ME1: variants seen among roughly 807,000 people sequenced by gnomAD.
ME1 encodes NADP-dependent malic enzyme.
Under a neutral mutation model 66.4 loss-of-function variants are expected in ME1, and 74 were observed. That is an observed-to-expected ratio of 1.11 (90% CI 0.92 to 1.35). The LOEUF is 1.35. ME1 is among the 40% of genes most tolerant of loss of function. The pLI, the probability that ME1 is intolerant of heterozygous loss-of-function variation, is 0.00. For synonymous variants in ME1, 251 were observed against 235.6 expected (o/e 1.07, Z -0.60); for missense variants, 750 against 694.1 (o/e 1.08, Z -0.90).
In ME1 at chr6:83,407,781, A is replaced by C. The variant is rs1225399146; in HGVS notation, c.199T>G (p.Ser67Ala). ...GCAATGTGTTACCTGTCAAAGTCAG[A>C]GTTCAGATGCTCGAAATTTTTTACT... is the stretch of plus-strand genomic sequence containing the variant. The part of the protein sequence containing the change: ...RVVKNFEHLN[S>A]DFDRYLLLMD... The change falls in exon 2 of 14, where the codon TCT becomes GCT. Residue 67 changes from serine to alanine, a missense_variant. By Grantham distance (99) the Ser-to-Ala change is moderately conservative. Transcript: ENST00000369705. The C allele has an allele frequency of 1.9e-6, 3 of 1,602,652 alleles. No individual in the cohort carries two copies. Among genetic ancestry groups the C allele is most frequent in the Non-Finnish European group, 2.5e-6 (3 of 1,177,062 alleles).
In ME1 at chr6:83,326,713, T is replaced by G. The variant is rs541601851; in HGVS notation, c.601-11300A>C. On this transcript the variant is annotated intron_variant, in intron 5 of 13. Coordinates refer to ENST00000369705, the MANE Select transcript of ME1 (RefSeq NM_002395.6). ...ATCTCATGCCTTTTGGAATGGTAATTGTTAAAAAGTCAGGAAACAACAGAT... is the reference window on the plus strand; with the variant it reads ...ATCTCATGCCTTTTGGAATGGTAATGGTTAAAAAGTCAGGAAACAACAGAT... Among the ~76,000 whole-genome samples the G allele has an allele frequency of 2.8e-4, 42 of 152,252 alleles. 1 individual carries two copies. Among genetic ancestry groups the G allele is most frequent in the African/African-American group, 9.4e-4 (39 of 41,558 alleles).
At chr6:83,404,167 T>C (rs533671585) in intron 2 of ME1, among the ~76,000 whole-genome samples, 80 of 152,240 alleles carry the variant, frequency 5.3e-4, no homozygotes, top group Non-Finnish European at 1.1e-3. Context: ...CCAGCATCTG[T>C]TGTTTCCTGA....
At chr6:83,258,748 T>C (rs1345227540) in intron 6 of ME1, among the ~76,000 whole-genome samples, 6 of 152,096 alleles carry the variant, frequency 3.9e-5, no homozygotes, top group Non-Finnish European at 8.8e-5. Context: ...GATAAAGAAA[T>C]GAACTCAGTA....
At chr6:83,276,463 C>G (rs781269474) in intron 6 of ME1, among the ~76,000 whole-genome samples, 1 of 152,106 alleles carries the variant, frequency 6.6e-6, no homozygotes, top group Non-Finnish European at 1.5e-5. Flanking sequence ...GCAAAGACCT[C>G]CACATTAAAA....
chr6:83,219,282 G>A (rs970850584), intron 12 of ME1, among the ~76,000 whole-genome samples: 4 of 152,116 alleles, frequency 2.6e-5, no homozygotes, highest in Admixed American at 6.6e-5. Flanking sequence ...TGGGTGTCAG[G>A]TATTGGTATT....
At chr6:83,225,243 G>C (rs1027235305) in intron 11 of ME1, among the ~76,000 whole-genome samples, 2 of 148,972 alleles carry the variant, frequency 1.3e-5, no homozygotes, top group African/African-American at 4.9e-5. Flanking sequence ...CATTAACTAG[G>C]GCCTGTTAGG....
chr6:83,367,417 T>C (rs1363141401), intron 3 of ME1, among the ~76,000 whole-genome samples: 1 of 152,208 alleles, frequency 6.6e-6, no homozygotes, highest in Non-Finnish European at 1.5e-5. Flanking sequence ...CATTGAATTC[T>C]CCTCTCTAGC....
intron 3 of ME1, among the ~76,000 whole-genome samples, chr6:83,368,161 G>T (rs1354255555): frequency 2.6e-5 from 4 of 151,782 alleles, no homozygotes; most frequent in Non-Finnish European, 5.9e-5. Context: ...GCGGTTCATG[G>T]TACCCCAGAA....
intron 6 of ME1, among the ~76,000 whole-genome samples, chr6:83,304,474 C>T (rs1767790004): frequency 6.6e-6 from 1 of 152,172 alleles, no homozygotes; most frequent in Admixed American, 6.5e-5. Context: ...AATTTCGACA[C>T]ATCTCAATCT....
At chr6:83,344,418 C>A (rs889478408) in intron 5 of ME1, among the ~76,000 whole-genome samples, 3 of 151,592 alleles carry the variant, frequency 2.0e-5, no homozygotes, top group Non-Finnish European at 4.4e-5. Context: ...AATTTGATTT[C>A]AATGTAAACA....
chr6:83,252,576 T>C (rs1395697954), intron 7 of ME1, among the ~76,000 whole-genome samples: 3 of 152,092 alleles, frequency 2.0e-5, no homozygotes, highest in Non-Finnish European at 4.4e-5. Context: ...GCTGGGATTA[T>C]AGGCGCCTAA....
chr6:83,238,982 C>G (rs1051413300), intron 8 of ME1, among the ~76,000 whole-genome samples: 8 of 151,560 alleles, frequency 5.3e-5, no homozygotes, highest in African/African-American at 1.9e-4. Flanking sequence ...TTAAATTAAG[C>G]AAGTAATAAC....
intron 6 of ME1, among the ~76,000 whole-genome samples, chr6:83,306,978 G>C (rs1479096614): frequency 6.6e-6 from 1 of 152,046 alleles, no homozygotes; most frequent in Non-Finnish European, 1.5e-5. Context: ...GGCACAAAAA[G>C]CATCTAAAAG....
chr6:83,238,820 A>ATATATATATATATG (rs1790459732), intron 8 of ME1, among the ~76,000 whole-genome samples: 1 of 148,806 alleles, frequency 6.7e-6, no homozygotes, highest in Non-Finnish European at 1.5e-5. Flanking sequence ...ATATATATAT[A>ATATATATATATATG]GCCACAAAAT....
At chr6:83,241,990 G>A (rs1180226) in intron 7 of ME1, among the ~76,000 whole-genome samples, 59,550 of 151,870 alleles carry the variant, frequency 0.39, 11,848 homozygotes, top group Middle Eastern at 0.53. Context: ...AACCTCCCAA[G>A]TAACTAGGAT....
At chr6:83,254,714 C>T (rs1050779881) in intron 6 of ME1, among the ~76,000 whole-genome samples, 1 of 152,114 alleles carries the variant, frequency 6.6e-6, no homozygotes, top group Non-Finnish European at 1.5e-5. Context: ...TTTCGAACCT[C>T]CCCATGGACC....
intron 3 of ME1, among the ~76,000 whole-genome samples, chr6:83,364,724 T>C (rs1769067995): frequency 6.6e-6 from 1 of 150,890 alleles, no homozygotes; most frequent in African/African-American, 2.5e-5. Context: ...TATCTATCTA[T>C]CTATCTATCT....
intron 6 of ME1, among the ~76,000 whole-genome samples, chr6:83,310,541 G>C (rs942810564): frequency 6.6e-6 from 1 of 152,132 alleles, no homozygotes; most frequent in African/African-American, 2.4e-5. Flanking sequence ...TGGGGCTTTG[G>C]CACTGGTTAA....
intron 6 of ME1, among the ~76,000 whole-genome samples, chr6:83,278,683 T>G (rs1583353614): frequency 6.6e-6 from 1 of 151,902 alleles, no homozygotes; most frequent in Admixed American, 6.6e-5. Context: ...GGTCTTGAAC[T>G]CCTGGGCTCA....
Sources: allele counts gnomAD v4.1 joint callset (sites outside exome capture counted in the v4.1 genomes callset), GRCh38; gene constraint gnomAD v4.1.1; transcripts MANE v1.5; gene names NCBI Gene and HGNC (gene_info 2026-07-23, HGNC 2026-07-21).